THRB: variants seen among roughly 807,000 people sequenced by gnomAD.
THRB encodes the protein thyroid hormone receptor beta.
Under a neutral mutation model 47.8 loss-of-function variants are expected in THRB, and 12 were observed. The ratio of observed to expected loss-of-function variants is 0.25; its 90% CI spans 0.16 to 0.41. THRB has a LOEUF of 0.41. Ranked by LOEUF, THRB falls within the 10% of genes least tolerant of loss-of-function variation. The probability of loss-of-function intolerance (pLI) is 1.00; values close to 1 mark genes in which losing one functional copy is unlikely to be tolerated. For missense variants in THRB, 348 were observed against 589.2 expected, an observed-to-expected ratio of 0.59 and a Z score of 4.24; for synonymous variants, 218 against 212.2, an observed-to-expected ratio of 1.03 and a Z score of -0.24.
chr3:24,233,591 G>GAAAGAAAGAA (rs1576167995), intron 3 of THRB, among the ~76,000 whole-genome samples: 1 of 69,316 alleles, frequency 1.4e-5, no homozygotes, highest in Admixed American at 1.3e-4. Context: ...AAGAAAGAAA[G>GAAAGAAAGAA]AAAGAAAGAA....
intron 4 of THRB, among the ~76,000 whole-genome samples, chr3:24,222,165 G>A (rs1321124707): frequency 2.6e-5 from 4 of 152,220 alleles, no homozygotes; most frequent in Non-Finnish European, 5.9e-5. Flanking sequence ...CTCGTGAACT[G>A]AGGTGCTGGT....
intron 1 of THRB, among the ~76,000 whole-genome samples, chr3:24,491,478 G>C (rs1375219600): frequency 6.6e-6 from 1 of 152,174 alleles, no homozygotes; most frequent in African/African-American, 2.4e-5. Flanking sequence ...ATTTGGTTCA[G>C]AATACTTTTA....
chr3:24,173,185 C>T (rs2040668609), intron 5 of THRB, among the ~76,000 whole-genome samples: 1 of 152,140 alleles, frequency 6.6e-6, no homozygotes, highest in Non-Finnish European at 1.5e-5. Flanking sequence ...CTGATACTAG[C>T]CGAAGTTTGA....
At chr3:24,287,564 C>T (rs909288886) in intron 3 of THRB, among the ~76,000 whole-genome samples, 1 of 152,154 alleles carries the variant, frequency 6.6e-6, no homozygotes, top group Non-Finnish European at 1.5e-5. Flanking sequence ...CTGAAAAATG[C>T]TCTTCCAGCT....
At chr3:24,146,599 C>G in intron 7 of THRB, 76 bp downstream of exon 7, 3 of 1,503,578 alleles carry the variant, frequency 2.0e-6, no homozygotes, top group Non-Finnish European at 2.8e-6. Flanking sequence ...TTCTTTTCTG[C>G]CCAGTCGATC....
chr3:24,379,715 T>C (rs1473543086), intron 1 of THRB, among the ~76,000 whole-genome samples: 1 of 152,128 alleles, frequency 6.6e-6, no homozygotes, highest in African/African-American at 2.4e-5. Flanking sequence ...GCGTGACACC[T>C]AAGCTTCATC....
chr3:24,206,080 T>G (rs188364158), intron 4 of THRB, among the ~76,000 whole-genome samples: 9,918 of 152,076 alleles, frequency 0.065, 1,045 homozygotes, highest in African/African-American at 0.23. Context: ...CCGTCAACAT[T>G]AGACAGATCA....
intron 1 of THRB, among the ~76,000 whole-genome samples, chr3:24,469,355 T>C (rs2074389933): frequency 6.6e-6 from 1 of 152,186 alleles, no homozygotes; most frequent in Admixed American, 6.5e-5. Flanking sequence ...TTAAGGGAGT[T>C]GCTCATATGC....
intron 5 of THRB, among the ~76,000 whole-genome samples, chr3:24,154,921 T>G (rs1267217150): frequency 6.6e-6 from 1 of 152,184 alleles, no homozygotes; most frequent in Non-Finnish European, 1.5e-5. Flanking sequence ...GAGAACCAAT[T>G]GTGATACACT....
intron 1 of THRB, among the ~76,000 whole-genome samples, chr3:24,483,545 A>T (rs1003026609): frequency 1.3e-5 from 2 of 151,884 alleles, no homozygotes; most frequent in African/African-American, 4.8e-5. Flanking sequence ...TGATATGAGG[A>T]TTCATCAGCA....
At chr3:24,192,723 A>G (rs569894177) in intron 4 of THRB, among the ~76,000 whole-genome samples, 8 of 152,262 alleles carry the variant, frequency 5.3e-5, no homozygotes, top group Admixed American at 2.6e-4. Flanking sequence ...CTAAGCAAGG[A>G]AGGCTACACT....
At chr3:24,153,513 A>G (rs2037338144) in intron 5 of THRB, among the ~76,000 whole-genome samples, 1 of 152,228 alleles carries the variant, frequency 6.6e-6, no homozygotes, top group African/African-American at 2.4e-5. Context: ...GGAAAATCCA[A>G]CTATGATAAC....
intron 5 of THRB, among the ~76,000 whole-genome samples, chr3:24,169,438 T>G (rs143403286): frequency 7.0e-4 from 106 of 152,132 alleles, no homozygotes; most frequent in African/African-American, 2.6e-3. Context: ...TCTGGAAAAT[T>G]CTAGGTTGCT....
chr3:24,439,193 G>A (rs1424004949), intron 1 of THRB, among the ~76,000 whole-genome samples: 2 of 152,112 alleles, frequency 1.3e-5, no homozygotes, highest in Non-Finnish European at 2.9e-5. Flanking sequence ...GTCATTGTCT[G>A]GATGAGGTAG....
intron 1 of THRB, among the ~76,000 whole-genome samples, chr3:24,389,204 T>C (rs1466699791): frequency 1.3e-5 from 2 of 152,150 alleles, no homozygotes; most frequent in African/African-American, 2.4e-5. Flanking sequence ...GGGTAGTAAG[T>C]AGCTCATATC....
intron 4 of THRB, among the ~76,000 whole-genome samples, chr3:24,224,965 T>C (rs1486059462): frequency 6.6e-6 from 1 of 152,220 alleles, no homozygotes; most frequent in Non-Finnish European, 1.5e-5. Context: ...CCTATGCTGT[T>C]GATCATGGTT....
chr3:24,462,847 C>G (rs565297556), intron 1 of THRB, among the ~76,000 whole-genome samples: 2 of 152,304 alleles, frequency 1.3e-5, no homozygotes, highest in African/African-American at 4.8e-5. Context: ...CCCAGTTTCT[C>G]AGGCTACCAA....
In THRB at chr3:24,165,309, CG is replaced by C. The variant is rs2039499912; in HGVS notation, c.284-12820del. 6 of 764,940 alleles carry C rather than the reference CG, an allele frequency of 7.8e-6. No homozygotes were observed. In the East Asian group the frequency reaches 1.5e-4, roughly 19 times the overall value. The allele number at this position is 764,940 out of a possible 1,614,324, so 47.4% of individuals were successfully genotyped here. ...GTGGACTGCATGTAGCAATTGCTGC[CG>C]GCAGCTGGGTGCACTTCATATATTT... On this transcript the variant is annotated intron_variant, in intron 5 of 10. Transcript: ENST00000646209.
intron 1 of THRB, among the ~76,000 whole-genome samples, chr3:24,409,169 C>T (rs532329973): frequency 6.6e-6 from 1 of 151,866 alleles, no homozygotes; most frequent in Admixed American, 6.6e-5. Context: ...AATACGATGA[C>T]TCAAAACATG....
Sources: allele counts gnomAD v4.1 joint callset (sites outside exome capture counted in the v4.1 genomes callset), GRCh38; gene constraint gnomAD v4.1.1; transcripts MANE v1.5; gene names NCBI Gene and HGNC (gene_info 2026-07-23, HGNC 2026-07-21).